Variants in GALNT13 observed in about 807,000 individuals in gnomAD.
GALNT13 encodes the protein polypeptide N-acetylgalactosaminyltransferase 13.
GALNT13 carries 28 observed loss-of-function variants against 64.2 expected under a neutral mutation model. The ratio of observed to expected loss-of-function variants is 0.44; its 90% confidence interval spans 0.32 to 0.60. The LOEUF (loss-of-function observed/expected upper bound fraction) is 0.60, where lower values mean the gene tolerates loss of function less well. Ranked by LOEUF, GALNT13 falls within the 20% of genes least tolerant of loss-of-function variation. The pLI is 0.05. For synonymous variants in GALNT13, 214 were observed against 224.6 expected, an observed-to-expected ratio of 0.95 and a Z score of 0.42; for missense variants, 577 against 669.8, an observed-to-expected ratio of 0.86 and a Z score of 1.53.
intron 4 of GALNT13, among the ~76,000 whole-genome samples, chr2:154,205,605 G>T (rs1165463226): frequency 1.3e-5 from 2 of 152,130 alleles, no homozygotes; most frequent in African/African-American, 4.8e-5. Context: ...AGGTTTGTTG[G>T]ACTTACATTT....
chr2:154,399,522 T>C (rs931017924), intron 10 of GALNT13, among the ~76,000 whole-genome samples: 11 of 152,072 alleles, frequency 7.2e-5, no homozygotes, highest in Non-Finnish European at 1.5e-4. Flanking sequence ...CTTCAACCTC[T>C]TTTATAAGGG....
the GALNT13 span, among the ~76,000 whole-genome samples, chr2:153,099,104 C>T: frequency 6.6e-6 from 1 of 152,172 alleles, no homozygotes; most frequent in South Asian, 2.1e-4. Flanking sequence ...CAGAGTGAGA[C>T]TCCATCTCAA....
the GALNT13 span, among the ~76,000 whole-genome samples, chr2:153,166,620 CATGTGTGTGTGT>C: frequency 1.2e-4 from 9 of 72,596 alleles, no homozygotes; most frequent in African/African-American, 5.1e-4. Flanking sequence ...TTGCCTACTG[CATGTGTGTGTGT>C]GTGTGTGTGT....
chr2:153,109,777 A>G, the GALNT13 span, among the ~76,000 whole-genome samples: 8 of 152,124 alleles, frequency 5.3e-5, no homozygotes, highest in Admixed American at 5.2e-4. Flanking sequence ...AAGTGTTAAA[A>G]ATAAAGGTTC....
intron 8 of GALNT13, among the ~76,000 whole-genome samples, chr2:154,263,634 G>C (rs1690820570): frequency 6.6e-6 from 1 of 151,842 alleles, no homozygotes. Flanking sequence ...ATTTTAAAAA[G>C]GAAAAGAAAA....
chr2:153,948,255 C>T (rs1691916044), intron 3 of GALNT13, among the ~76,000 whole-genome samples: 2 of 149,454 alleles, frequency 1.3e-5, no homozygotes, highest in Admixed American at 1.3e-4. Context: ...AAAAAAAAAG[C>T]TCAACATGAC....
At chr2:154,039,327 C>T (rs1698850539) in intron 3 of GALNT13, among the ~76,000 whole-genome samples, 1 of 108,536 alleles carries the variant, frequency 9.2e-6, no homozygotes, top group South Asian at 2.9e-4. Context: ...TATTGCAGCA[C>T]TATTCACAAT....
chr2:153,391,105 G>C, the GALNT13 span, among the ~76,000 whole-genome samples: 1 of 151,938 alleles, frequency 6.6e-6, no homozygotes, highest in Non-Finnish European at 1.5e-5. Context: ...GACTATAGAG[G>C]TTAGAGAGGG....
the GALNT13 span, among the ~76,000 whole-genome samples, chr2:153,672,992 C>CTCAA: frequency 2.0e-5 from 3 of 152,134 alleles, no homozygotes; most frequent in Non-Finnish European, 4.4e-5. Flanking sequence ...CATACACCCT[C>CTCAA]TCAAGACTAA....
chr2:153,507,593 C>G, the GALNT13 span, among the ~76,000 whole-genome samples: 4 of 151,954 alleles, frequency 2.6e-5, no homozygotes, highest in African/African-American at 9.7e-5. Flanking sequence ...TTTTTTATTT[C>G]TTTAAGTTGA....
At chr2:153,439,252 G>C in the GALNT13 span, among the ~76,000 whole-genome samples, 1 of 152,146 alleles carries the variant, frequency 6.6e-6, no homozygotes, top group Admixed American at 6.5e-5. Context: ...TCCCAGTTAG[G>C]CTCCTCAGGT....
At chr2:153,999,436 T>A (rs1347723032) in intron 3 of GALNT13, among the ~76,000 whole-genome samples, 13 of 152,004 alleles carry the variant, frequency 8.6e-5, no homozygotes. Flanking sequence ...ATTCAGTATG[T>A]TATTAGCTGT....
At chr2:153,522,205 G>A in the GALNT13 span, among the ~76,000 whole-genome samples, 1 of 151,910 alleles carries the variant, frequency 6.6e-6, no homozygotes, top group Non-Finnish European at 1.5e-5. Context: ...GTGGTGGCAC[G>A]TGCCTGTAGC....
At chr2:153,974,869 C>T (rs182597643) in intron 3 of GALNT13, among the ~76,000 whole-genome samples, 1 of 152,140 alleles carries the variant, frequency 6.6e-6, no homozygotes, top group Admixed American at 6.5e-5. Context: ...TTTTGACAGT[C>T]TCCCTATGTC....
the GALNT13 span, among the ~76,000 whole-genome samples, chr2:153,118,522 A>G: frequency 6.6e-6 from 1 of 152,196 alleles, no homozygotes; most frequent in Non-Finnish European, 1.5e-5. Context: ...TGGTCCACCC[A>G]CTATTATTAT....
chr2:153,420,398 T>C, the GALNT13 span, among the ~76,000 whole-genome samples: 2 of 152,186 alleles, frequency 1.3e-5, no homozygotes, highest in African/African-American at 4.8e-5. Flanking sequence ...AAATGAGTCA[T>C]ACAGATCATG....
the GALNT13 span, among the ~76,000 whole-genome samples, chr2:153,630,789 ATATATATATATATATATAT>A: frequency 0.015 from 185 of 12,384 alleles, 7 homozygotes; most frequent in African/African-American, 0.043. Context: ...ATATATATAT[ATATATATATATATATATAT>A]TTTTTTTTTT....
intron 3 of GALNT13, among the ~76,000 whole-genome samples, chr2:153,957,012 T>C (rs1027298373): frequency 6.6e-6 from 1 of 152,216 alleles, no homozygotes; most frequent in African/African-American, 2.4e-5. Flanking sequence ...GTAAAAATCT[T>C]AATGTCAAAT....
the GALNT13 span, among the ~76,000 whole-genome samples, chr2:153,516,145 A>G: frequency 6.6e-6 from 1 of 152,190 alleles, no homozygotes; most frequent in African/African-American, 2.4e-5. Context: ...TGCCACTTTG[A>G]TCTACCATTA....
Sources: gnomAD v4.1 joint callset for allele counts (sites outside exome capture counted in the v4.1 genomes callset) on GRCh38, gnomAD v4.1.1 for gene constraint, MANE v1.5 for transcripts, NCBI Gene and HGNC (gene_info 2026-07-23, HGNC 2026-07-21) for gene names.